Variants in SLC5A4 observed in about 807,000 individuals in gnomAD.
SLC5A4 encodes probable glucose sensor protein SLC5A4.
Under a neutral mutation model 70.3 loss-of-function variants are expected in SLC5A4, and 55 were observed. That is an observed-to-expected ratio of 0.78 (90% CI 0.63 to 0.98). SLC5A4 has a LOEUF of 0.98. SLC5A4 is among the 50% of genes least tolerant of loss of function. The pLI, the probability that SLC5A4 is intolerant of heterozygous loss-of-function variation, is 0.00. For synonymous variants in SLC5A4, 268 were observed against 305.7 expected (o/e 0.88, Z 1.29); for missense variants, 735 against 839.2 (o/e 0.88, Z 1.53).
chr22:32,323,097 G>A, the SLC5A4 span, among the ~76,000 whole-genome samples: 1 of 152,198 alleles, frequency 6.6e-6, no homozygotes, highest in Non-Finnish European at 1.5e-5. Flanking sequence ...AGGACAAAAT[G>A]TTGAACCAAA....
In SLC5A4 at chr22:32,237,303, T is replaced by C; in HGVS notation, c.605A>G (p.Tyr202Cys). 6.2e-7 allele frequency: 1 copy of C among 1,605,550 alleles called. No homozygotes were observed. The highest frequency in any genetic ancestry group is 8.5e-7 in the Non-Finnish European group (1 of 1,176,066). Residue 202 changes from tyrosine (Y) to cysteine (C), a missense_variant, in exon 7 of 15, where the codon TAC (tyrosine) becomes TGC (cysteine). Physicochemically the swap from Tyr to Cys is radical, Grantham distance 194 (BLOSUM62 -2). Coordinates refer to ENST00000266086, the MANE Select transcript of SLC5A4 (RefSeq NM_014227.3). ...TTTGGLASVIYTDTLQTIIML... is the reference protein window; with the variant it reads ...TTTGGLASVICTDTLQTIIML... ...GATGATGGTCTGGAGGGTGTCTGTG[T>C]AAATCACCGAGGCCAAGCCCCCTAG... is the stretch of plus-strand genomic sequence containing the variant.
chr22:32,240,734 A>C (rs1346445109), intron 5 of SLC5A4, among the ~76,000 whole-genome samples: 11 of 152,200 alleles, frequency 7.2e-5, no homozygotes. Flanking sequence ...TATTATTATC[A>C]TCATTTTGCA....
chr22:32,344,535 C>T, the SLC5A4 span, among the ~76,000 whole-genome samples: 1 of 152,054 alleles, frequency 6.6e-6, no homozygotes, highest in Non-Finnish European at 1.5e-5. Flanking sequence ...GACATAAATG[C>T]TTTCAATATT....
intron 13 of SLC5A4, among the ~76,000 whole-genome samples, chr22:32,223,421 A>G (rs1026713235): frequency 1.3e-5 from 2 of 152,230 alleles, no homozygotes; most frequent in Non-Finnish European, 2.9e-5. Context: ...GGACTGTGGG[A>G]ATTTTCCCAC....
chr22:32,318,286 T>C, the SLC5A4 span, among the ~76,000 whole-genome samples: 1 of 152,000 alleles, frequency 6.6e-6, no homozygotes, highest in Non-Finnish European at 1.5e-5. Flanking sequence ...AGGCTGGAGA[T>C]ACGCTGATGA....
intron 5 of SLC5A4, among the ~76,000 whole-genome samples, chr22:32,244,853 G>T (rs969589227): frequency 7.2e-5 from 11 of 152,028 alleles, no homozygotes; most frequent in African/African-American, 2.7e-4. Context: ...TTCTTTTATT[G>T]TGATGAAACA....
At chr22:32,306,472 A>C in the SLC5A4 span, among the ~76,000 whole-genome samples, 1 of 150,070 alleles carries the variant, frequency 6.7e-6, no homozygotes, top group African/African-American at 2.5e-5. Context: ...TCTCAAAAAA[A>C]AAAAACAAAA....
chr22:32,289,809 C>T, the SLC5A4 span, among the ~76,000 whole-genome samples: 1 of 152,198 alleles, frequency 6.6e-6, no homozygotes, highest in East Asian at 1.9e-4. Context: ...CTGATTAGGT[C>T]ATGCTGATTC....
intron 11 of SLC5A4, among the ~76,000 whole-genome samples, chr22:32,226,468 C>T (rs1925404692): frequency 6.6e-6 from 1 of 152,186 alleles, no homozygotes; most frequent in African/African-American, 2.4e-5. Flanking sequence ...AAAGGCCATT[C>T]ATCTCTCTCT....
At chr22:32,350,612 T>C in the SLC5A4 span, among the ~76,000 whole-genome samples, 1 of 152,066 alleles carries the variant, frequency 6.6e-6, no homozygotes, top group Non-Finnish European at 1.5e-5. Context: ...GTATTCAAAT[T>C]TTTTCTATAT....
Position 32,255,300 on chromosome 22 carries a change from T to C in SLC5A4, c.30A>G (p.Ile10Met), listed in dbSNP as rs1182821883. 4.3e-6 allele frequency: 7 copies of C among 1,614,024 alleles called. No individual in the cohort carries two copies. In the African/African-American group the frequency reaches 9.3e-5, roughly 22 times the overall value. Residue 10 changes from isoleucine to methionine, a missense_variant, in exon 1 of 15, where the codon ATA becomes ATG. Physicochemically the swap from Ile to Met is conservative, Grantham distance 10. Coordinates refer to ENST00000266086, the MANE Select transcript of SLC5A4 (RefSeq NM_014227.3). The part of the protein sequence containing the change: MASTVSPST[I>M]AETPEPPPLS... ...ATGGAGGTGGCTCTGGGGTCTCAGC[T>C]ATGGTGCTGGGGCTAACCGTACTGG...
At chr22:32,345,373 TAGTC>T in the SLC5A4 span, among the ~76,000 whole-genome samples, 4,379 of 152,280 alleles carry the variant, frequency 0.029, 185 homozygotes, top group African/African-American at 0.093. Flanking sequence ...AAGTGAATGT[TAGTC>T]AGTGAATAAA....
chr22:32,349,765 T>G, the SLC5A4 span, among the ~76,000 whole-genome samples: 1 of 152,320 alleles, frequency 6.6e-6, no homozygotes, highest in Middle Eastern at 3.4e-3. Flanking sequence ...TAGACAAGAT[T>G]GAGCAGTTCT....
intron 3 of SLC5A4, 89 bp from the exon 4 acceptor site, chr22:32,248,891 T>TAAA: frequency 1.3e-6 from 1 of 760,354 alleles, no homozygotes. Flanking sequence ...GTCTGGAAAT[T>TAAA]AAAAAAAAAA....
chr22:32,291,706 T>A, the SLC5A4 span, among the ~76,000 whole-genome samples: 3 of 152,148 alleles, frequency 2.0e-5, no homozygotes, highest in African/African-American at 7.2e-5. Flanking sequence ...AGTTTTAATA[T>A]GTAACAATTC....
At chr22:32,263,376 C>T in the SLC5A4 span, among the ~76,000 whole-genome samples, 16 of 152,160 alleles carry the variant, frequency 1.1e-4, no homozygotes, top group South Asian at 1.0e-3. Flanking sequence ...GTTGGTTAGC[C>T]CAGATAAAAT....
the SLC5A4 span, among the ~76,000 whole-genome samples, chr22:32,308,855 C>T: frequency 6.8e-6 from 1 of 148,082 alleles, no homozygotes; most frequent in Admixed American, 6.6e-5. Context: ...CATATGTATG[C>T]ATGTGTGCAT....
the SLC5A4 span, among the ~76,000 whole-genome samples, chr22:32,340,288 C>T: frequency 1.3e-5 from 2 of 152,218 alleles, no homozygotes; most frequent in African/African-American, 4.8e-5. Context: ...GGTACTAATG[C>T]AGTTCATTGA....
At chr22:32,344,160 A>G in the SLC5A4 span, among the ~76,000 whole-genome samples, 1 of 152,174 alleles carries the variant, frequency 6.6e-6, no homozygotes, top group Admixed American at 6.5e-5. Flanking sequence ...CGCTGGGTTC[A>G]ACGTGTGACA....
Sources: gnomAD v4.1 joint callset for allele counts (sites outside exome capture counted in the v4.1 genomes callset) on GRCh38, gnomAD v4.1.1 for gene constraint, MANE v1.5 for transcripts, NCBI Gene and HGNC (gene_info 2026-07-23, HGNC 2026-07-21) for gene names.